The following VTI1A variants were observed in gnomAD, a reference collection of about 807,000 sequenced individuals.
VTI1A encodes the protein vesicle transport through interaction with t-SNAREs 1A.
VTI1A carries 22 observed loss-of-function variants against 34.9 expected under a neutral mutation model. The ratio of observed to expected loss-of-function variants is 0.63; its 90% CI spans 0.45 to 0.90. The LOEUF (loss-of-function observed/expected upper bound fraction) is 0.90. Among genes scored for constraint, VTI1A ranks in the 40% least tolerant of loss-of-function variants. The pLI, the probability that VTI1A is intolerant of heterozygous loss-of-function variation, is 0.00. For missense variants in VTI1A, 268 were observed against 275.6 expected, an observed-to-expected ratio of 0.97 and a Z score of 0.20; for synonymous variants, 87 against 97.3, an observed-to-expected ratio of 0.89 and a Z score of 0.62.
At chr10:112,753,204 GA>G (rs1851164991) in intron 7 of VTI1A, among the ~76,000 whole-genome samples, 1 of 151,420 alleles carries the variant, frequency 6.6e-6, no homozygotes, top group Non-Finnish European at 1.5e-5. Flanking sequence ...ACTTATTTTT[GA>G]AAAAATAATC....
intron 7 of VTI1A, among the ~76,000 whole-genome samples, chr10:112,794,542 A>ACT: frequency 1.3e-5 from 2 of 152,176 alleles, no homozygotes. Flanking sequence ...ACAGAGTGAG[A>ACT]CTCTGCCTCT....
intron 7 of VTI1A, among the ~76,000 whole-genome samples, chr10:112,778,124 G>A (rs768459039): frequency 4.9e-4 from 74 of 151,962 alleles, no homozygotes; most frequent in Non-Finnish European, 1.9e-4. Flanking sequence ...AAAAAAAAGT[G>A]TATTGGTGAT....
chr10:112,802,230 C>A lies in VTI1A; in HGVS notation c.561-13060C>A, dbSNP rs79013911. Among the ~76,000 whole-genome samples the A allele has an allele frequency of 8.1e-3, 1,228 of 152,234 alleles. 12 individuals carry two copies. Among genetic ancestry groups the A allele is most frequent in the African/African-American group, 0.028 (1,146 of 41,522 alleles). ...CTCCAGCCTGGGCAACAGGGAGACA[C>A]CTTGTCTCAAAAAATAAACATATAA... On this transcript the variant is annotated intron_variant, in intron 7 of 7. Coordinates refer to ENST00000393077, the MANE Select transcript of VTI1A (RefSeq NM_145206.4).
At chr10:112,684,987 T>C (rs1848355945) in intron 7 of VTI1A, among the ~76,000 whole-genome samples, 1 of 152,234 alleles carries the variant, frequency 6.6e-6, no homozygotes, top group South Asian at 2.1e-4. Flanking sequence ...AACCATTGTC[T>C]TCTGGCATTT....
chr10:112,555,079 A>G (rs1282150038), intron 5 of VTI1A, among the ~76,000 whole-genome samples: 1 of 152,142 alleles, frequency 6.6e-6, no homozygotes, highest in African/African-American at 2.4e-5. Context: ...AATAATAGAA[A>G]TGGTAACATA....
At chr10:112,684,437 CTTTT>C (rs35671432) in intron 7 of VTI1A, among the ~76,000 whole-genome samples, 1 of 123,496 alleles carries the variant, frequency 8.1e-6, no homozygotes. Flanking sequence ...ATGCTCATCT[CTTTT>C]TTTTTTTTTT....
At chr10:112,686,709 A>G (rs759452523) in intron 7 of VTI1A, among the ~76,000 whole-genome samples, 1 of 152,180 alleles carries the variant, frequency 6.6e-6, no homozygotes, top group Non-Finnish European at 1.5e-5. Context: ...AGTGCCTACT[A>G]TATGCTCTGG....
chr10:112,753,220 G>A (rs958571099), intron 7 of VTI1A, among the ~76,000 whole-genome samples: 1 of 151,640 alleles, frequency 6.6e-6, no homozygotes, highest in Non-Finnish European at 1.5e-5. Context: ...ATAATCCTTT[G>A]CCAGGTTTAT....
intron 5 of VTI1A, among the ~76,000 whole-genome samples, chr10:112,654,906 C>T (rs1242501395): frequency 1.3e-5 from 2 of 152,170 alleles, no homozygotes; most frequent in Non-Finnish European, 2.9e-5. Context: ...TTTTTGTCTG[C>T]CTCATGATAT....
intron 5 of VTI1A, among the ~76,000 whole-genome samples, chr10:112,651,811 G>T (rs1847033653): frequency 6.6e-6 from 1 of 152,204 alleles, no homozygotes; most frequent in African/African-American, 2.4e-5. Context: ...GAAATAAAAG[G>T]TTGAAATAGA....
At chr10:112,846,166 C>T in the VTI1A span, among the ~76,000 whole-genome samples, 1 of 152,180 alleles carries the variant, frequency 6.6e-6, no homozygotes, top group African/African-American at 2.4e-5. Context: ...TCCTGTTCAC[C>T]ATTTATTTTG....
intron 5 of VTI1A, among the ~76,000 whole-genome samples, chr10:112,610,964 A>G (rs1564847717): frequency 6.6e-6 from 1 of 152,132 alleles, no homozygotes; most frequent in Non-Finnish European, 1.5e-5. Flanking sequence ...TTTAGGATGG[A>G]TCTAGACTGT....
intron 5 of VTI1A, among the ~76,000 whole-genome samples, chr10:112,603,973 CTGTGTCCAG>C (rs1337301315): frequency 1.3e-5 from 2 of 152,190 alleles, no homozygotes; most frequent in Non-Finnish European, 2.9e-5. Context: ...GAGCATTTTC[CTGTGTCCAG>C]TGTGCTGTCT....
chr10:112,514,225 A>G (rs1317409998), intron 3 of VTI1A, among the ~76,000 whole-genome samples: 2 of 151,672 alleles, frequency 1.3e-5, no homozygotes, highest in Non-Finnish European at 3.0e-5. Flanking sequence ...ATTCCTTCCT[A>G]CTTCAGTCTT....
In VTI1A at chr10:112,567,525, T is replaced by C. The variant is rs138387560; in HGVS notation, c.427+29195T>C. Among the ~76,000 whole-genome samples, 1,254 of 152,340 alleles carry C rather than the reference T, an allele frequency of 8.2e-3. 10 individuals carry two copies. The highest frequency in any genetic ancestry group is 0.012 in the Non-Finnish European group (845 of 68,020). ...AAATAATAGGTTGATTTTCAAGTTA[T>C]AACATTAGGCTAACATGTTTTTTTC... On this transcript the variant is annotated intron_variant, in intron 5 of 7. Transcript: ENST00000393077.
chr10:112,765,706 G>A (rs879593162), intron 7 of VTI1A, among the ~76,000 whole-genome samples: 71 of 152,182 alleles, frequency 4.7e-4, no homozygotes, highest in Non-Finnish European at 7.9e-4. Context: ...TGTGATGACT[G>A]TTATGAAGGA....
intron 7 of VTI1A, among the ~76,000 whole-genome samples, chr10:112,684,437 CTTTTTTTTTTT>C (rs35671432): frequency 2.4e-5 from 3 of 123,502 alleles, no homozygotes; most frequent in African/African-American, 9.3e-5. Flanking sequence ...ATGCTCATCT[CTTTTTTTTTTT>C]TTTTTTTTGA....
intron 7 of VTI1A, among the ~76,000 whole-genome samples, chr10:112,780,391 G>C (rs1259061286): frequency 6.6e-6 from 1 of 151,968 alleles, no homozygotes; most frequent in Non-Finnish European, 1.5e-5. Flanking sequence ...GATCTTGGTG[G>C]AAAAGGCATT....
chr10:112,530,943 A>T (rs2134233081), intron 4 of VTI1A, among the ~76,000 whole-genome samples: 1 of 152,278 alleles, frequency 6.6e-6, no homozygotes, highest in Non-Finnish European at 1.5e-5. Context: ...ACCCACGATA[A>T]TGTGTAAAGG....
Sources: gnomAD v4.1 joint callset for allele counts (sites outside exome capture counted in the v4.1 genomes callset) on GRCh38, gnomAD v4.1.1 for gene constraint, MANE v1.5 for transcripts, NCBI Gene and HGNC (gene_info 2026-07-23, HGNC 2026-07-21) for gene names.